Variants in NLRP3 observed in about 807,000 individuals in gnomAD.
NLRP3 encodes the protein NACHT, LRR and PYD domains-containing protein 3.
Under a neutral mutation model 91.3 loss-of-function variants are expected in NLRP3, and 48 were observed. The observed-to-expected ratio is 0.53, with a 90% CI of 0.42 to 0.67. NLRP3 has a LOEUF of 0.67. NLRP3 is among the 30% of genes least tolerant of loss of function. The pLI is 0.00. For synonymous variants in NLRP3, 561 were observed against 507.9 expected, an observed-to-expected ratio of 1.10 and a Z score of -1.41; for missense variants, 982 against 1,276.9, an observed-to-expected ratio of 0.77 and a Z score of 3.52.
chr1:247,433,965 A>C lies in NLRP3; in HGVS notation c.2322-138A>C, dbSNP rs1387293001. 7.9e-6 allele frequency: 3 copies of C among 379,816 alleles called. 1 individual carries two copies. The highest frequency in any genetic ancestry group is 1.6e-4 in the African/African-American group (2 of 12,318). The allele number at this position is 379,816 out of a possible 1,614,324, so 23.5% of individuals were successfully genotyped here. A position where few individuals can be genotyped will look rare whatever the true frequency, so the allele number is the denominator to read the frequency against. ...TGTTCTGATGCTTTCTGTATTCCGG[A>C]GCTCTCTGATCAGATGTGTTCTGAT... On this transcript the variant is annotated intron_variant, in intron 5 of 9. Coordinates refer to ENST00000336119, the MANE Select transcript of NLRP3 (RefSeq NM_001243133.2).
Position 247,425,495 on chromosome 1 carries a change from C to T in NLRP3, c.2046C>T (p.Leu682=), listed in dbSNP as rs757290049. 1.2e-6 allele frequency: 2 copies of T among 1,614,132 alleles called. No individual in the cohort carries two copies. The highest frequency in any genetic ancestry group is 2.2e-5 in the South Asian group (2 of 91,084). Residue 682 remains leucine (L), a synonymous_variant, in exon 4 of 10, where the codon CTC becomes CTT. Coordinates refer to ENST00000336119, the MANE Select transcript of NLRP3 (RefSeq NM_001243133.2). This position sits in a 1 kb window ranked among gnomAD's most constrained non-coding sequence, Gnocchi z 4.1. ...HRVESLSLGF[L]HNMPKEEEEE... is the part of the protein sequence containing the mutation. ...TGGAGTCACTGTCCCTGGGGTTTCTCCATAACATGCCCAAGGAGGAAGAGG... is the reference window on the plus strand; with the variant it reads ...TGGAGTCACTGTCCCTGGGGTTTCTTCATAACATGCCCAAGGAGGAAGAGG...
chr1:247,417,511 T>C (rs1047297954), intron 1 of NLRP3, among the ~76,000 whole-genome samples: 2 of 152,222 alleles, frequency 1.3e-5, no homozygotes, highest in South Asian at 4.1e-4. Flanking sequence ...GATGGAGTTT[T>C]GCTCTTATTG....
In NLRP3 at chr1:247,429,041, T is replaced by A. The variant is rs552229232; in HGVS notation, c.2151-544T>A. Among the ~76,000 whole-genome samples, 5 of 152,154 alleles carry A rather than the reference T, an allele frequency of 3.3e-5. No individual in the cohort carries two copies. In the South Asian group the frequency reaches 1.0e-3, roughly 32 times the overall value. ...CCTAATAGCTGGGATGACAGGCTCG[T>A]GCCACCACACCCAATTAATTTTTGT... is the stretch of plus-strand genomic sequence containing the variant. On this transcript the variant is annotated intron_variant, in intron 4 of 9. Transcript: ENST00000336119.
intron 7 of NLRP3, among the ~76,000 whole-genome samples, chr1:247,443,399 G>A (rs948208266): frequency 2.6e-4 from 39 of 152,244 alleles, no homozygotes; most frequent in African/African-American, 8.9e-4. Flanking sequence ...GCATTTGGGG[G>A]CGCAGGAAGG....
At position 247,423,883 on chromosome 1, in the gene NLRP3, G is replaced by A. The variant is rs566697805; in HGVS notation, c.434G>A (p.Arg145Lys). 1 of 1,614,064 alleles carries A rather than the reference G, an allele frequency of 6.2e-7. No homozygotes were observed. Among genetic ancestry groups the A allele is most frequent in the South Asian group, 1.1e-5 (1 of 91,062 alleles). The change falls in exon 4 of 10, where the codon AGA (arginine) becomes AAA (lysine). Residue 145 changes from arginine (R) to lysine (K), a missense_variant. Coordinates refer to ENST00000336119, the MANE Select transcript of NLRP3 (RefSeq NM_001243133.2). Reference protein sequence around the residue: ...RKKYRKYVRSRFQCIEDRNAR... With the variant: ...RKKYRKYVRSKFQCIEDRNAR... ...AAGTACAGAAAGTACGTGAGAAGCA[G>A]ATTCCAGTGCATTGAAGACAGGAAT...
intron 5 of NLRP3, among the ~76,000 whole-genome samples, chr1:247,431,185 A>AAATAAT (rs549986882): frequency 1.7e-3 from 255 of 151,018 alleles, no homozygotes; most frequent in South Asian, 5.4e-3. Context: ...TTCCATTTCA[A>AAATAAT]AATAATAATA....
At chr1:247,448,323 GAAGAGAT>G (rs1664737984) in intron 9 of NLRP3, 75 bp from the exon 10 acceptor site, 48 of 616,414 alleles carry the variant, frequency 7.8e-5, no homozygotes, top group South Asian at 6.4e-4. Context: ...TTAGGGAAAT[GAAGAGAT>G]GAGACTTTTA....
chr1:247,432,883 G>A (rs559258399), intron 5 of NLRP3, among the ~76,000 whole-genome samples: 52 of 152,032 alleles, frequency 3.4e-4, no homozygotes, highest in Admixed American at 5.9e-4. Flanking sequence ...TGTGTGTGAC[G>A]GGGAAACTAA....
Position 247,448,561 on chromosome 1 carries a change from C to T in NLRP3, c.*57C>T. The T allele has an allele frequency of 1.9e-6, 2 of 1,045,328 alleles. No homozygotes were observed. Among genetic ancestry groups the T allele is most frequent in the South Asian group, 1.3e-5 (1 of 79,802 alleles). The allele number at this position is 1,045,328 out of a possible 1,614,324, so 64.8% of individuals were successfully genotyped here. ...TCTCCGGTCCCTCCAGCTGGGGGCC[C>T]TCAGGTGGAGAGAGCTGCGATCCAT... On this transcript the variant is annotated 3_prime_UTR_variant, in exon 10 of 10. Coordinates refer to ENST00000336119, the MANE Select transcript of NLRP3 (RefSeq NM_001243133.2).
chr1:247,441,216 CTTTCCTT>C (rs1187639035), intron 7 of NLRP3, among the ~76,000 whole-genome samples: 2 of 132,140 alleles, frequency 1.5e-5, no homozygotes, highest in African/African-American at 5.7e-5. Context: ...TCCCTTTCCC[CTTTCCTT>C]TCCTTATTTT....
rs2103233129 is a variant in NLRP3 at position 247,444,064 on chromosome 1, G to A, written c.2756G>A (p.Gly919Asp). 6.2e-7 allele frequency: 1 copy of A among 1,614,092 alleles called. No individual in the cohort carries two copies. The highest frequency in any genetic ancestry group is 8.5e-7 in the Non-Finnish European group (1 of 1,180,010). The change falls in exon 8 of 10, where the codon GGC becomes GAC. Residue 919 changes from glycine (G) to aspartate (D), a missense_variant. Around this residue, in one of 5 missense-constraint regions of NLRP3, gnomAD observed 373 missense variants for 431.5 expected, o/e 0.86. Transcript: ENST00000336119. ...NQNLTHLYLR[G>D]NTLGDKGIKL... ...AATCTCACGCACCTTTACCTGCGAG[G>A]CAACACTCTCGGAGACAAGGGGATC...
chr1:247,423,704 C>T (rs1247820786), intron 3 of NLRP3, 143 bp from the exon 4 acceptor site: 4 of 795,272 alleles, frequency 5.0e-6, no homozygotes, highest in Non-Finnish European at 8.6e-6. Flanking sequence ...ATTCTCGGCA[C>T]CTTTCCTACC....
In NLRP3 at chr1:247,436,014, C is replaced by A; in HGVS notation, c.2537C>A (p.Ala846Glu). ...ACATCAGCATGTTGTCAGGATCTTG[C>A]ATCAGTATTGAGCACCAGCCATTCC... ...CLTSACCQDL[A>E]SVLSTSHSLT... Residue 846 changes from alanine to glutamate, a missense_variant, in exon 7 of 10, where the codon GCA (alanine) becomes GAA (glutamate). Ala to Glu is a moderately radical substitution (Grantham distance 107, BLOSUM62 -1). Coordinates refer to ENST00000336119, the MANE Select transcript of NLRP3 (RefSeq NM_001243133.2). The A allele has an allele frequency of 1.9e-6, 3 of 1,614,118 alleles. No individual in the cohort carries two copies. The highest frequency in any genetic ancestry group is 1.7e-6 in the Non-Finnish European group (2 of 1,180,012).
Position 247,419,144 on chromosome 1 carries a change from T to TTATATA in NLRP3, c.277+83_277+88dup, listed in dbSNP as rs35723895. 10 of 966,952 alleles carry TTATATA rather than the reference T, an allele frequency of 1.0e-5. No homozygotes were observed. The East Asian group carries it at 2.8e-4, about 27-fold the overall frequency. 59.9% of individuals were successfully genotyped at this position (966,952 alleles called of 1,614,324 possible). A position where few individuals can be genotyped will look rare whatever the true frequency, so the allele number is the denominator to read the frequency against. On this transcript the variant is annotated intron_variant, in intron 2 of 9. Coordinates refer to ENST00000336119, the MANE Select transcript of NLRP3 (RefSeq NM_001243133.2). ...GCACATAGTGTACAATTTTCCATCTTTATATATATATATATATATATTTTT... is the reference window on the plus strand; with the variant it reads ...GCACATAGTGTACAATTTTCCATCTTTATATATATATATATATATATATATATTTTT...
intron 2 of NLRP3, 61 bp downstream of exon 2, chr1:247,419,138 C>T: frequency 7.4e-7 from 1 of 1,348,494 alleles, no homozygotes; most frequent in Non-Finnish European, 1.0e-6. Context: ...GTACAATTTT[C>T]CATCTTTATA....
At position 247,444,706 on chromosome 1, in the gene NLRP3, A is replaced by G; in HGVS notation, c.2890A>G (p.Thr964Ala). 6.2e-7 allele frequency: 1 copy of G among 1,614,020 alleles called. No homozygotes were observed. The change falls in exon 9 of 10, where the codon ACC becomes GCC. Residue 964 changes from threonine to alanine, a missense_variant. By Grantham distance (58) the Thr-to-Ala change is moderately conservative. This residue lies in a region of NLRP3 where 373 missense variants were observed against 431.5 expected (regional missense o/e 0.86). Coordinates refer to ENST00000336119, the MANE Select transcript of NLRP3 (RefSeq NM_001243133.2). ...CTGCTGGGATCTTTCCACACTTCTG[A>G]CCTCCAGCCAGAGCCTGCGAAAGCT... is the stretch of plus-strand genomic sequence containing the variant. ...HCCWDLSTLL[T>A]SSQSLRKLSL...
chr1:247,438,503 C>T (rs1336405795), intron 7 of NLRP3, among the ~76,000 whole-genome samples: 1 of 151,200 alleles, frequency 6.6e-6, no homozygotes, highest in Admixed American at 6.6e-5. Flanking sequence ...TCTGCCTCAG[C>T]CTTCTGAGTA....
In NLRP3 at chr1:247,419,008, G is replaced by T. The variant is rs117287351; in HGVS notation, c.208G>T (p.Val70Leu). 1.4e-5 allele frequency: 23 copies of T among 1,613,968 alleles called. No individual in the cohort carries two copies. In the East Asian group the frequency reaches 4.9e-4, roughly 34 times the overall value. The change falls in exon 2 of 10, where the codon GTG (valine) becomes TTG (leucine). Residue 70 changes from valine (V) to leucine (L), a missense_variant. Physicochemically the swap from Val to Leu is conservative, Grantham distance 32 (BLOSUM62 1). Transcript: ENST00000336119. Reference sequence around the variant, plus strand: ...GGAGGAGAAGGCGTGGGCCATGGCCGTGTGGATCTTCGCTGCGATCAACAG... The same window carrying T: ...GGAGGAGAAGGCGTGGGCCATGGCCTTGTGGATCTTCGCTGCGATCAACAG... ...NGEEKAWAMAVWIFAAINRRD... is the reference protein window; with the variant it reads ...NGEEKAWAMALWIFAAINRRD...
At chr1:247,441,542 G>A (rs577840654) in intron 7 of NLRP3, among the ~76,000 whole-genome samples, 4 of 152,274 alleles carry the variant, frequency 2.6e-5, no homozygotes, top group East Asian at 3.9e-4. Context: ...TTCATTATGA[G>A]ACAGTTTTGT....
Sources: gnomAD v4.1 joint callset for allele counts (sites outside exome capture counted in the v4.1 genomes callset) on GRCh38, gnomAD v4.1.1 for gene constraint, gnomAD v4.1.1 regional missense constraint, Gnocchi (gnomAD v3.1) non-coding constraint, MANE v1.5 for transcripts, NCBI Gene and HGNC (gene_info 2026-07-23, HGNC 2026-07-21) for gene names.